The following SEMA5A variants were observed in gnomAD, a reference collection of about 807,000 sequenced individuals.
The protein encoded by SEMA5A is semaphorin 5A.
Under a neutral mutation model 135.5 loss-of-function variants are expected in SEMA5A, and 55 were observed. That is an observed-to-expected ratio of 0.41 (90% CI 0.33 to 0.51). SEMA5A has a LOEUF of 0.51. Among genes scored for constraint, SEMA5A ranks in the 20% least tolerant of loss-of-function variants. The pLI is 0.37. For synonymous variants in SEMA5A, 580 were observed against 546.5 expected, an observed-to-expected ratio of 1.06 and a Z score of -0.85; for missense variants, 1,290 against 1,419.9, an observed-to-expected ratio of 0.91 and a Z score of 1.47.
chr5:9,362,480 C>T (rs527288865), intron 3 of SEMA5A, among the ~76,000 whole-genome samples: 1 of 152,282 alleles, frequency 6.6e-6, no homozygotes, highest in Admixed American at 6.5e-5. Context: ...AGAAATACTA[C>T]CCTACGAGGG....
At chr5:9,438,152 A>T (rs1758100969) in intron 1 of SEMA5A, among the ~76,000 whole-genome samples, 1 of 152,248 alleles carries the variant, frequency 6.6e-6, no homozygotes, top group South Asian at 2.1e-4. Context: ...TTTCAAAATT[A>T]TCTTAACCAG....
chr5:9,237,921 T>A (rs923956997), intron 5 of SEMA5A, 31 bp from the exon 6 acceptor site: 1 of 1,599,674 alleles, frequency 6.3e-7, no homozygotes, highest in Non-Finnish European at 8.6e-7. Context: ...ATAGCAGTCA[T>A]GGTTTTGACT....
intron 3 of SEMA5A, among the ~76,000 whole-genome samples, chr5:9,367,158 A>G (rs919240785): frequency 6.6e-6 from 1 of 152,212 alleles, no homozygotes. Context: ...TAATTTAACT[A>G]ATTAAAATTA....
Position 9,051,852 on chromosome 5 carries a change from GATAAATACCTCT to G in SEMA5A, c.2845+9_2845+20del. The G allele has an allele frequency of 1.2e-6, 2 of 1,613,796 alleles. No individual in the cohort carries two copies. The highest frequency in any genetic ancestry group is 1.7e-6 in the Non-Finnish European group (2 of 1,179,820). On this transcript the variant is annotated intron_variant, in intron 20 of 22. Coordinates refer to ENST00000382496, the MANE Select transcript of SEMA5A (RefSeq NM_003966.3). ...TGTTGGAAATGATTTTATTCTTACTGATAAATACCTCTGCTCTTACCTGGGATGAAATTAGAG... is the reference window on the plus strand; with the variant it reads ...TGTTGGAAATGATTTTATTCTTACTGGCTCTTACCTGGGATGAAATTAGAG...
At chr5:9,422,678 A>G (rs2126634988) in intron 2 of SEMA5A, among the ~76,000 whole-genome samples, 2 of 152,304 alleles carry the variant, frequency 1.3e-5, no homozygotes, top group Middle Eastern at 6.8e-3. Flanking sequence ...CTTTTTTGTT[A>G]GGTGGCTGGA....
intron 1 of SEMA5A, among the ~76,000 whole-genome samples, chr5:9,527,021 C>T (rs1451879775): frequency 1.3e-5 from 2 of 152,258 alleles, no homozygotes; most frequent in East Asian, 3.9e-4. Flanking sequence ...CAAACTCCAC[C>T]TGGGTATGGT....
intron 11 of SEMA5A, among the ~76,000 whole-genome samples, chr5:9,164,125 CATATAAATATTTAT>C (rs1743465955): frequency 9.8e-6 from 1 of 101,584 alleles, no homozygotes; most frequent in South Asian, 3.0e-4. Context: ...ATAAATATAT[CATATAAATATTTAT>C]ATAATTATAA....
chr5:9,351,762 C>G (rs1199850029), intron 3 of SEMA5A, among the ~76,000 whole-genome samples: 1 of 152,136 alleles, frequency 6.6e-6, no homozygotes. Flanking sequence ...ACATATTCTT[C>G]GTCTATGGTG....
At chr5:9,101,622 TA>T (rs1306266851) in intron 16 of SEMA5A, among the ~76,000 whole-genome samples, 1 of 152,250 alleles carries the variant, frequency 6.6e-6, no homozygotes, top group Non-Finnish European at 1.5e-5. Flanking sequence ...TCTAGGATTA[TA>T]AAATGGTATT....
At chr5:9,338,337 C>T (rs1046292169) in intron 3 of SEMA5A, among the ~76,000 whole-genome samples, 3 of 152,116 alleles carry the variant, frequency 2.0e-5, no homozygotes, top group South Asian at 2.1e-4. Flanking sequence ...AAACACATTC[C>T]GACCTTTCTA....
chr5:9,380,539 C>T (rs1035640054), intron 2 of SEMA5A, among the ~76,000 whole-genome samples: 3 of 152,120 alleles, frequency 2.0e-5, no homozygotes, highest in African/African-American at 7.2e-5. Context: ...AAAATCATCA[C>T]GATTTGCTAA....
intron 5 of SEMA5A, among the ~76,000 whole-genome samples, chr5:9,316,810 C>T (rs1173838851): frequency 6.6e-6 from 1 of 152,092 alleles, no homozygotes; most frequent in African/African-American, 2.4e-5. Flanking sequence ...GTGTTGAGAA[C>T]ACTTGAAATC....
chr5:9,192,722 G>A (rs1041830448), intron 10 of SEMA5A, among the ~76,000 whole-genome samples: 14 of 152,152 alleles, frequency 9.2e-5, no homozygotes, highest in Non-Finnish European at 1.5e-5. Flanking sequence ...TAATGTCTAC[G>A]CAGAAAGGTT....
intron 2 of SEMA5A, among the ~76,000 whole-genome samples, chr5:9,385,775 GAGA>G (rs930164348): frequency 6.7e-6 from 1 of 149,276 alleles, no homozygotes; most frequent in African/African-American, 2.5e-5. Flanking sequence ...GGATTTGCAG[GAGA>G]AGGAGTTGGA....
intron 13 of SEMA5A, 94 bp from the exon 14 acceptor site, chr5:9,122,931 C>G: frequency 8.6e-7 from 1 of 1,156,578 alleles, no homozygotes; most frequent in African/African-American, 1.6e-5. Context: ...ACAATCAAAA[C>G]TCCTCTAGAA....
At chr5:9,170,207 G>A (rs1227488628) in intron 11 of SEMA5A, among the ~76,000 whole-genome samples, 1 of 152,118 alleles carries the variant, frequency 6.6e-6, no homozygotes, top group Non-Finnish European at 1.5e-5. Context: ...GTAGGGTGGA[G>A]GAACCTCAGC....
At position 9,036,402 on chromosome 5, in the gene SEMA5A, A is replaced by C. The variant is rs1055593997; in HGVS notation, c.*6495T>G. ...TCAGGCAATGTTGTAGGTGGTTCTC[A>C]TTCCATGCTCACTGTATCTATACCA... is the stretch of plus-strand genomic sequence containing the variant. On this transcript the variant is annotated 3_prime_UTR_variant, in exon 23 of 23. Coordinates refer to ENST00000382496, the MANE Select transcript of SEMA5A (RefSeq NM_003966.3). 7 of 145,832 alleles carry C rather than the reference A, an allele frequency of 4.8e-5. No individual in the cohort carries two copies. The highest frequency in any genetic ancestry group is 1.8e-4 in the African/African-American group (7 of 38,964). The allele number at this position is 145,832 out of a possible 1,614,324, so 9.0% of individuals were successfully genotyped here.
At position 9,041,249 on chromosome 5, in the gene SEMA5A, AAAGAT is replaced by A. The variant is rs1374970069; in HGVS notation, c.*1643_*1647del. The A allele has an allele frequency of 1.1e-4, 16 of 152,366 alleles. No individual in the cohort carries two copies. The highest frequency in any genetic ancestry group is 3.8e-4 in the African/African-American group (16 of 41,592). The allele number at this position is 152,366 out of a possible 1,614,324, so 9.4% of individuals were successfully genotyped here. ...GAAATTGTTTCTTTAAATTAGAAAC[AAAGAT>A]AAGGGTAAAATCACATATGCTAATA... is the stretch of plus-strand genomic sequence containing the variant. On this transcript the variant is annotated 3_prime_UTR_variant, in exon 23 of 23. Transcript: ENST00000382496.
intron 6 of SEMA5A, among the ~76,000 whole-genome samples, chr5:9,232,863 G>A (rs1332175517): frequency 6.6e-6 from 1 of 152,128 alleles, no homozygotes; most frequent in Admixed American, 6.5e-5. Flanking sequence ...CCCATGTATT[G>A]ATTAACTCAC....
Sources: gnomAD v4.1 joint callset for allele counts (sites outside exome capture counted in the v4.1 genomes callset) on GRCh38, gnomAD v4.1.1 for gene constraint, MANE v1.5 for transcripts, NCBI Gene and HGNC (gene_info 2026-07-23, HGNC 2026-07-21) for gene names.